The following POLD1 variants were observed in gnomAD, a reference collection of about 807,000 sequenced individuals.
POLD1 encodes the protein DNA polymerase delta catalytic subunit.
In POLD1, 79 loss-of-function variants were observed where a neutral mutation model predicts 129.7. That is an observed-to-expected ratio of 0.61 (90% CI 0.51 to 0.73). The LOEUF is 0.73. Ranked by LOEUF, POLD1 falls within the 30% of genes least tolerant of loss-of-function variation. The probability of loss-of-function intolerance (pLI) is 0.00; values close to 1 mark genes in which losing one functional copy is unlikely to be tolerated. For missense variants in POLD1, 1,338 were observed against 1,595.8 expected, an observed-to-expected ratio of 0.84 and a Z score of 2.75; for synonymous variants, 714 against 683.3, an observed-to-expected ratio of 1.04 and a Z score of -0.70.
Position 50,413,350 on chromosome 19 carries a change from G to A in POLD1, c.2155-76G>A, listed in dbSNP as rs2039152837. On this transcript the variant is annotated intron_variant, in intron 17 of 26. Transcript: ENST00000440232. ...TGCCACTGGGAAATGGCAGAGGCGG[G>A]ACCCCTCCCCCGCCGGCCCACGTTC... 9 of 1,225,288 alleles carry A rather than the reference G, an allele frequency of 7.3e-6. No individual in the cohort carries two copies. In the South Asian group the frequency reaches 1.2e-4, roughly 16 times the overall value. 75.9% of individuals were successfully genotyped at this position (1,225,288 alleles called of 1,614,324 possible).
At chr19:50,413,684 C>A (rs2122443351) in intron 18 of POLD1, 58 bp from the exon 19 acceptor site, 1 of 1,561,758 alleles carries the variant, frequency 6.4e-7, no homozygotes, top group Non-Finnish European at 8.7e-7. Context: ...CCCCCCGACA[C>A]CAGTAGTTGA....
In POLD1 at chr19:50,413,598, T is replaced by C. The variant is rs1034355980; in HGVS notation, c.2250+77T>C. ...ATGGAAGCCGGGCCGGACCCCCATG[T>C]CCCCGTGCCTCCTGGTCACACCCTG... On this transcript the variant is annotated intron_variant, in intron 18 of 26. Coordinates refer to ENST00000440232, the MANE Select transcript of POLD1 (RefSeq NM_002691.4). 9 of 1,525,312 alleles carry C rather than the reference T, an allele frequency of 5.9e-6. No individual in the cohort carries two copies. In the African/African-American group the frequency reaches 1.2e-4, roughly 21 times the overall value. The allele number at this position is 1,525,312 out of a possible 1,614,324, so 94.5% of individuals were successfully genotyped here.
chr19:50,408,870 C>T lies in POLD1; in HGVS notation c.1861C>T (p.Leu621Phe), dbSNP rs1471881768. 1 of 1,613,630 alleles carries T rather than the reference C, an allele frequency of 6.2e-7. No homozygotes were observed. The highest frequency in any genetic ancestry group is 8.5e-7 in the Non-Finnish European group (1 of 1,179,770). Reference sequence around the variant, plus strand: ...GGCCCACAACCTGTGTTACACCACGCTCCTTCGGCCCGGGACTGCACAGAA... The same window carrying T: ...GGCCCACAACCTGTGTTACACCACGTTCCTTCGGCCCGGGACTGCACAGAA... ...MMAHNLCYTT[L>F]LRPGTAQKLG... The change falls in exon 15 of 27, where the codon CTC (leucine) becomes TTC (phenylalanine). Residue 621 changes from leucine (L) to phenylalanine (F), a missense_variant. By Grantham distance (22) the Leu-to-Phe change is conservative. Transcript: ENST00000440232.
In POLD1 at chr19:50,386,139, CTT is replaced by C. The variant is rs923132704; in HGVS notation, c.-2+1759_-2+1760del. Among the ~76,000 whole-genome samples the C allele has an allele frequency of 1.7e-4, 24 of 145,334 alleles. No individual in the cohort carries two copies. The East Asian group carries it at 2.6e-3, about 16-fold the overall frequency. ...TCACAGGGAGTTTCAACTCACATGT[CTT>C]TTTTTTTTTGGTTTTTGAGACAGGG... is the stretch of plus-strand genomic sequence containing the variant. On this transcript the variant is annotated intron_variant, in intron 1 of 26. Transcript: ENST00000440232.
intron 26 of POLD1, 72 bp from the exon 27 acceptor site, chr19:50,417,770 G>A: frequency 1.3e-6 from 1 of 780,368 alleles, no homozygotes; most frequent in Non-Finnish European, 2.0e-6. Context: ...CCTGGGAACA[G>A]CCCCCACCCC....
intron 10 of POLD1, among the ~76,000 whole-genome samples, chr19:50,405,730 G>A (rs1403355184): frequency 6.6e-6 from 1 of 152,050 alleles, no homozygotes; most frequent in Admixed American, 6.6e-5. Flanking sequence ...GGCTTCTTCT[G>A]GCCTCAGTCT....
At chr19:50,413,580 C>G (rs1200100277) in intron 18 of POLD1, 59 bp downstream of exon 18, 2 of 1,533,588 alleles carry the variant, frequency 1.3e-6, no homozygotes, top group African/African-American at 2.7e-5. Context: ...GGGATGGAAG[C>G]CGGGCCGGAC....
At chr19:50,417,634 T>C (rs2039362374) in intron 26 of POLD1, among the ~76,000 whole-genome samples, 1 of 150,078 alleles carries the variant, frequency 6.7e-6, no homozygotes, top group Admixed American at 6.6e-5. Flanking sequence ...CGGCCAGCCA[T>C]GGCCCTGCAC....
rs1167958969 is a variant in POLD1, at chr19:50,415,494, A to G, written c.2621A>G (p.Asn874Ser). The G allele has an allele frequency of 6.2e-7, 1 of 1,613,336 alleles. No individual in the cohort carries two copies. The highest frequency in any genetic ancestry group is 8.5e-7 in the Non-Finnish European group (1 of 1,179,948). ...AQDVISDLLC[N>S]RIDISQLVIT... is the part of the protein sequence containing the mutation. ...GACGTCATCTCGGACCTGCTGTGCA[A>G]CCGCATCGATATCTCCCAGCTGGTC... Residue 874 changes from asparagine to serine, a missense_variant, in exon 21 of 27, where the codon AAC becomes AGC. Asn to Ser is a conservative substitution (Grantham distance 46). This residue lies in a region of POLD1 where 720 missense variants were observed against 1,002.6 expected (regional missense o/e 0.72). Coordinates refer to ENST00000440232, the MANE Select transcript of POLD1 (RefSeq NM_002691.4).
At position 50,406,940 on chromosome 19, in the gene POLD1, C is replaced by A; in HGVS notation, c.1495-43C>A. On this transcript the variant is annotated intron_variant, in intron 12 of 26. Transcript: ENST00000440232. This position sits in a 1 kb window ranked among gnomAD's most constrained non-coding sequence, Gnocchi z 5.5. ...CTTCCTTCTCCTGCTCCACCTCCCA[C>A]CCCCAACCCCTGGTCCCTGACCCCA... 4.2e-6 allele frequency: 6 copies of A among 1,431,810 alleles called. No individual in the cohort carries two copies. Among genetic ancestry groups the A allele is most frequent in the Non-Finnish European group, 4.8e-6 (5 of 1,049,722 alleles). 88.7% of individuals were successfully genotyped at this position (1,431,810 alleles called of 1,614,324 possible).
intron 1 of POLD1, among the ~76,000 whole-genome samples, chr19:50,392,726 C>A (rs2038215532): frequency 6.6e-6 from 1 of 152,184 alleles, no homozygotes; most frequent in Non-Finnish European, 1.5e-5. Context: ...ATCCACCCTC[C>A]TTGGCCTCCC....
In POLD1 at chr19:50,408,868, C is replaced by A; in HGVS notation, c.1859C>A (p.Thr620Lys). ...IMMAHNLCYT[T>K]LLRPGTAQKL... ...ATGGCCCACAACCTGTGTTACACCA[C>A]GCTCCTTCGGCCCGGGACTGCACAG... Residue 620 changes from threonine (T) to lysine (K), a missense_variant, in exon 15 of 27, where the codon ACG becomes AAG. This residue lies in a region of POLD1 where 720 missense variants were observed against 1,002.6 expected (regional missense o/e 0.72). Coordinates refer to ENST00000440232, the MANE Select transcript of POLD1 (RefSeq NM_002691.4). The A allele has an allele frequency of 6.2e-7, 1 of 1,613,636 alleles. No homozygotes were observed. The highest frequency in any genetic ancestry group is 2.2e-5 in the East Asian group (1 of 44,886).
chr19:50,401,391 A>ATATATATATATATT (rs1334231607), intron 3 of POLD1, among the ~76,000 whole-genome samples: 4 of 65,948 alleles, frequency 6.1e-5, no homozygotes, highest in African/African-American at 2.1e-4. Context: ...ATATATATAT[A>ATATATATATATATT]TTTTTTTTTT....
At chr19:50,399,623 G>T (rs748707894) in intron 3 of POLD1, 139 bp downstream of exon 3, 3 of 654,728 alleles carry the variant, frequency 4.6e-6, no homozygotes, top group Non-Finnish European at 8.3e-6. Context: ...CCCTCTGGTT[G>T]CCATAGAGCT....
rs1060501802 is a variant in POLD1, at chr19:50,417,106, G to T, written c.3120+9G>T. ...AGCTGTATCAGAAGGAGGTGAGAGGGCCGGGAGGTGAGGAGGGGCCAGGTG... is the reference window on the plus strand; with the variant it reads ...AGCTGTATCAGAAGGAGGTGAGAGGTCCGGGAGGTGAGGAGGGGCCAGGTG... On this transcript the variant is annotated intron_variant, in intron 25 of 26. Coordinates refer to ENST00000440232, the MANE Select transcript of POLD1 (RefSeq NM_002691.4). 2 of 1,562,980 alleles carry T rather than the reference G, an allele frequency of 1.3e-6. No individual in the cohort carries two copies. Among genetic ancestry groups the T allele is most frequent in the Middle Eastern group, 1.7e-4 (1 of 5,898 alleles).
chr19:50,402,301 A>G lies in POLD1; in HGVS notation c.686A>G (p.Gln229Arg), dbSNP rs1021342807. 1.2e-5 allele frequency: 20 copies of G among 1,610,580 alleles called. No homozygotes were observed. The highest frequency in any genetic ancestry group is 1.7e-5 in the Non-Finnish European group (20 of 1,177,746). The change falls in exon 6 of 27, where the codon CAG (glutamine) becomes CGG (arginine). Residue 229 changes from glutamine to arginine, a missense_variant. By Grantham distance (43) the Gln-to-Arg change is conservative. This residue lies in a region of POLD1 where 720 missense variants were observed against 1,002.6 expected (regional missense o/e 0.72). Coordinates refer to ENST00000440232, the MANE Select transcript of POLD1 (RefSeq NM_002691.4). ...GCCCCGGCCCGCCGTCTCCTGGAAC[A>G]GGGCATCCGTGTGGCAGGCCTGGGC... ...LVAPARRLLE[Q>R]GIRVAGLGTP... is the part of the protein sequence containing the mutation.
At chr19:50,389,098 T>G (rs2038065235) in intron 1 of POLD1, among the ~76,000 whole-genome samples, 1 of 151,774 alleles carries the variant, frequency 6.6e-6, no homozygotes, top group Admixed American at 6.6e-5. Context: ...CCCAGAGTGC[T>G]GGGATTACAG....
intron 10 of POLD1, among the ~76,000 whole-genome samples, chr19:50,404,574 C>CTTTTTTTTT (rs71182717): frequency 2.6e-5 from 2 of 77,866 alleles, no homozygotes; most frequent in Non-Finnish European, 4.3e-5. Flanking sequence ...TTTTCTCTTT[C>CTTTTTTTTT]TTTTTTTTTT....
intron 1 of POLD1, among the ~76,000 whole-genome samples, chr19:50,395,705 C>T (rs758104455): frequency 6.6e-6 from 1 of 152,172 alleles, no homozygotes; most frequent in South Asian, 2.1e-4. Flanking sequence ...TCTCTGTATA[C>T]GTACACTCAC....
Sources: allele counts gnomAD v4.1 joint callset (sites outside exome capture counted in the v4.1 genomes callset), GRCh38; gene constraint gnomAD v4.1.1; regional missense constraint gnomAD v4.1.1; non-coding constraint Gnocchi (gnomAD v3.1); transcripts MANE v1.5; gene names NCBI Gene and HGNC (gene_info 2026-07-23, HGNC 2026-07-21).